Variants in DAPK2 observed in about 807,000 individuals in gnomAD.
DAPK2 encodes death associated protein kinase 2.
DAPK2 carries 35 observed loss-of-function variants against 44.1 expected under a neutral mutation model. The ratio of observed to expected loss-of-function variants is 0.79; its 90% confidence interval spans 0.61 to 1.05. DAPK2 has a LOEUF of 1.05. Among genes scored for constraint, DAPK2 ranks in the 50% least tolerant of loss-of-function variants. The probability of loss-of-function intolerance (pLI) is 0.00; values close to 1 mark genes in which losing one functional copy is unlikely to be tolerated. For missense variants in DAPK2, 453 were observed against 483.2 expected (o/e 0.94, Z 0.59); for synonymous variants, 174 against 182.6 (o/e 0.95, Z 0.38).
chr15:63,931,908 T>C (rs11637858), intron 4 of DAPK2, among the ~76,000 whole-genome samples: 66,615 of 151,934 alleles, frequency 0.44, 16,971 homozygotes, highest in East Asian at 0.94. Flanking sequence ...CTCAAACCTG[T>C]AATCCCAGCA....
At chr15:63,978,851 C>G (rs1379041412) in intron 2 of DAPK2, among the ~76,000 whole-genome samples, 2 of 152,236 alleles carry the variant, frequency 1.3e-5, no homozygotes, top group Admixed American at 1.3e-4. Flanking sequence ...TCCTGCAAAT[C>G]TGACCTTTGC....
At chr15:63,910,042 A>T (rs150723205) in intron 10 of DAPK2, among the ~76,000 whole-genome samples, 5 of 152,360 alleles carry the variant, frequency 3.3e-5, no homozygotes, top group Non-Finnish European at 7.3e-5. Context: ...AAATAACTCA[A>T]GCTCTGCTGA....
intron 8 of DAPK2, among the ~76,000 whole-genome samples, chr15:63,915,150 G>A (rs986737727): frequency 2.0e-5 from 3 of 152,196 alleles, no homozygotes; most frequent in East Asian, 3.8e-4. Context: ...TTGTCACACT[G>A]TATTATTTGC....
At chr15:64,009,130 T>G (rs1167550961) in intron 1 of DAPK2, among the ~76,000 whole-genome samples, 1 of 152,122 alleles carries the variant, frequency 6.6e-6, no homozygotes, top group Non-Finnish European at 1.5e-5. Context: ...CTCTATATAT[T>G]ATTCTCCCTT....
At chr15:64,006,050 AAAAAC>A (rs2079218932) in intron 1 of DAPK2, among the ~76,000 whole-genome samples, 1 of 151,174 alleles carries the variant, frequency 6.6e-6, no homozygotes. Context: ...AAAAAAAAAA[AAAAAC>A]CCCACAAAAA....
chr15:63,941,628 CT>C (rs146392545), intron 3 of DAPK2, among the ~76,000 whole-genome samples: 1 of 151,692 alleles, frequency 6.6e-6, no homozygotes, highest in Non-Finnish European at 1.5e-5. Flanking sequence ...GCTTTTTTTC[CT>C]TTTTTTAAAA....
At chr15:64,001,185 C>T (rs191376440) in intron 1 of DAPK2, among the ~76,000 whole-genome samples, 70 of 150,008 alleles carry the variant, frequency 4.7e-4, no homozygotes, top group Non-Finnish European at 8.7e-4. Context: ...CCAGAGTCAA[C>T]ACTCTTTAAT....
intron 1 of DAPK2, among the ~76,000 whole-genome samples, chr15:64,004,760 C>T (rs332267): frequency 0.044 from 6,630 of 152,194 alleles, 451 homozygotes; most frequent in African/African-American, 0.15. Context: ...GCACTAAGCA[C>T]GTGCAGCACC....
At chr15:63,969,513 G>A (rs1189801516) in intron 3 of DAPK2, among the ~76,000 whole-genome samples, 1 of 152,008 alleles carries the variant, frequency 6.6e-6, no homozygotes, top group Non-Finnish European at 1.5e-5. Context: ...GCTGAGGCGG[G>A]TGGACCACTT....
At chr15:63,911,732 A>T in intron 10 of DAPK2, 176 bp downstream of exon 11, 1 of 671,606 alleles carries the variant, frequency 1.5e-6, no homozygotes. Context: ...GGTCCCCAGA[A>T]CACACTCCTC....
intron 3 of DAPK2, among the ~76,000 whole-genome samples, chr15:63,951,767 T>A (rs1161066642): frequency 1.3e-5 from 2 of 152,192 alleles, no homozygotes; most frequent in Non-Finnish European, 2.9e-5. Flanking sequence ...TGCAATCTCT[T>A]CTGTATTTTC....
chr15:64,019,201 C>T (rs1035329632), intron 1 of DAPK2, among the ~76,000 whole-genome samples: 10 of 152,244 alleles, frequency 6.6e-5, no homozygotes, highest in African/African-American at 2.4e-4. Flanking sequence ...CTCAGACCTG[C>T]CCACCTCTGG....
chr15:64,041,610 A>G (rs1054439590), upstream of DAPK2, among the ~76,000 whole-genome samples: 3 of 152,204 alleles, frequency 2.0e-5, no homozygotes, highest in Non-Finnish European at 4.4e-5. Flanking sequence ...CATTTTGGTT[A>G]GCACTGGCAG....
chr15:64,027,156 G>A (rs1245543578), intron 1 of DAPK2, among the ~76,000 whole-genome samples: 1 of 152,176 alleles, frequency 6.6e-6, no homozygotes, highest in African/African-American at 2.4e-5. Flanking sequence ...GCCAAGGCAG[G>A]TGGGTCATCT....
intron 3 of DAPK2, among the ~76,000 whole-genome samples, chr15:63,942,504 A>G (rs999797449): frequency 7.2e-5 from 11 of 152,186 alleles, no homozygotes; most frequent in African/African-American, 2.6e-4. Context: ...GTGAGCCGAG[A>G]ACACACTGCT....
intron 2 of DAPK2, among the ~76,000 whole-genome samples, chr15:63,975,952 C>G (rs75763145): frequency 0.03 from 4,492 of 152,224 alleles, 99 homozygotes; most frequent in African/African-American, 0.061. Context: ...TCATTCCCTG[C>G]CCCCTAGTCC....
intron 3 of DAPK2, among the ~76,000 whole-genome samples, chr15:63,964,909 G>C (rs1881783307): frequency 6.6e-6 from 1 of 152,078 alleles, no homozygotes; most frequent in South Asian, 2.1e-4. Flanking sequence ...TTCTCTGTCT[G>C]AAAGGTCACA....
chr15:64,032,487 C>G (rs1342140699), intron 1 of DAPK2, among the ~76,000 whole-genome samples: 1 of 152,158 alleles, frequency 6.6e-6, no homozygotes, highest in African/African-American at 2.4e-5. Context: ...CCAGATAAGC[C>G]TCATCTCATA....
chr15:64,002,974 C>CTGTG (rs58879927), intron 1 of DAPK2, among the ~76,000 whole-genome samples: 9,045 of 51,232 alleles, frequency 0.18, 1,184 homozygotes, highest in South Asian at 0.26. Context: ...GTCGTGGGAC[C>CTGTG]TGTGTGTGTG....
Sources: gnomAD v4.1 joint callset for allele counts (sites outside exome capture counted in the v4.1 genomes callset) on GRCh38, gnomAD v4.1.1 for gene constraint, MANE v1.5 for transcripts, NCBI Gene and HGNC (gene_info 2026-07-23, HGNC 2026-07-21) for gene names.